ROBO1: variants seen among roughly 807,000 people sequenced by gnomAD.
ROBO1 encodes the protein roundabout homolog 1.
In ROBO1, 149 loss-of-function variants were observed where a neutral mutation model predicts 195.9. The ratio of observed to expected loss-of-function variants is 0.76; its 90% confidence interval spans 0.67 to 0.87. The LOEUF (loss-of-function observed/expected upper bound fraction) is 0.87, where lower values mean the gene tolerates loss of function less well. Among genes scored for constraint, ROBO1 ranks in the 40% least tolerant of loss-of-function variants. ROBO1 has a pLI of 0.00. For synonymous variants in ROBO1, 816 were observed against 733.2 expected (o/e 1.11, Z -1.82); for missense variants, 1,933 against 2,068.3 (o/e 0.93, Z 1.27).
intron 4 of ROBO1, among the ~76,000 whole-genome samples, chr3:78,818,476 G>C (rs1012393333): frequency 1.3e-5 from 2 of 152,206 alleles, no homozygotes; most frequent in Non-Finnish European, 2.9e-5. Context: ...GGGTCCTGCT[G>C]CCACCATGGC....
chr3:78,671,142 T>A (rs533403404), intron 10 of ROBO1, among the ~76,000 whole-genome samples: 3 of 152,134 alleles, frequency 2.0e-5, no homozygotes, highest in African/African-American at 4.8e-5. Flanking sequence ...ATTAACCCTA[T>A]GATTACATGA....
In ROBO1 at chr3:78,703,332, T is replaced by C. The variant is rs572060764; in HGVS notation, c.1045+11065A>G. Among the ~76,000 whole-genome samples the C allele has an allele frequency of 1.7e-3, 262 of 152,220 alleles. 2 individuals carry two copies. Among genetic ancestry groups the C allele is most frequent in the African/African-American group, 6.1e-3 (253 of 41,546 alleles). On this transcript the variant is annotated intron_variant, in intron 8 of 30. Coordinates refer to ENST00000464233, the MANE Select transcript of ROBO1 (RefSeq NM_002941.4). ...ATTTACGCCACTGGATCAGAACAGT[T>C]AGGAGAGGGAGTTATTCTCACAAAT...
At position 78,991,652 on chromosome 3, in the gene ROBO1, G is replaced by A. The variant is rs141343698; in HGVS notation, c.173-52725C>T. Among the ~76,000 whole-genome samples, 196 of 152,274 alleles carry A rather than the reference G, an allele frequency of 1.3e-3. 1 individual carries two copies. Among genetic ancestry groups the A allele is most frequent in the African/African-American group, 4.6e-3 (190 of 41,568 alleles). The stretch of plus-strand genomic sequence containing the variant: ...TGGCTTCCTTGCTGATCCCAGTAAA[G>A]CAAAAGTCTCACATTTTCTTAAACA... On this transcript the variant is annotated intron_variant, in intron 3 of 30. Transcript: ENST00000464233.
intron 2 of ROBO1, among the ~76,000 whole-genome samples, chr3:79,546,049 A>T (rs2107655877): frequency 6.6e-6 from 1 of 151,820 alleles, no homozygotes; most frequent in Non-Finnish European, 1.5e-5. Context: ...GAGGATGGAG[A>T]CCTTTATTAT....
At chr3:78,929,200 C>T (rs1335182107) in intron 4 of ROBO1, among the ~76,000 whole-genome samples, 5 of 152,086 alleles carry the variant, frequency 3.3e-5, no homozygotes, top group East Asian at 1.9e-4. Context: ...ATTTAAAATG[C>T]GACTGAAGTT....
chr3:79,077,533 A>C (rs570776929), intron 3 of ROBO1, among the ~76,000 whole-genome samples: 1 of 152,036 alleles, frequency 6.6e-6, no homozygotes, highest in African/African-American at 2.4e-5. Flanking sequence ...TAATTTTAGT[A>C]ATTGAAATGC....
chr3:79,749,284 G>A (rs964861670), intron 1 of ROBO1, among the ~76,000 whole-genome samples: 2 of 152,126 alleles, frequency 1.3e-5, no homozygotes, highest in Admixed American at 6.5e-5. Flanking sequence ...TTTCTAAGCA[G>A]CAAAGCATTC....
chr3:78,719,096 T>A (rs1040528894), intron 5 of ROBO1, among the ~76,000 whole-genome samples: 1 of 152,122 alleles, frequency 6.6e-6, no homozygotes, highest in Non-Finnish European at 1.5e-5. Flanking sequence ...AGTTTTTAAT[T>A]TTTATGAGTT....
intron 2 of ROBO1, among the ~76,000 whole-genome samples, chr3:79,440,087 T>C (rs1230999589): frequency 6.6e-6 from 1 of 152,082 alleles, no homozygotes; most frequent in African/African-American, 2.4e-5. Context: ...TCTCTCGTTA[T>C]CTACACATCT....
chr3:79,648,871 T>A (rs1945914187), intron 1 of ROBO1, among the ~76,000 whole-genome samples: 1 of 152,100 alleles, frequency 6.6e-6, no homozygotes, highest in Non-Finnish European at 1.5e-5. Flanking sequence ...TTAGTCCAAC[T>A]GCAGGTTTCT....
At chr3:79,376,256 T>C (rs2036379210) in intron 2 of ROBO1, among the ~76,000 whole-genome samples, 1 of 152,224 alleles carries the variant, frequency 6.6e-6, no homozygotes, top group African/African-American at 2.4e-5. Context: ...ATCTAGTTAC[T>C]AACGCAGGGT....
chr3:79,104,024 C>A (rs114624154), intron 3 of ROBO1, among the ~76,000 whole-genome samples: 104 of 151,822 alleles, frequency 6.9e-4, no homozygotes, highest in African/African-American at 2.5e-3. Flanking sequence ...GCTCTCTACT[C>A]TGACAACACA....
At chr3:79,407,563 T>C (rs142957147) in intron 2 of ROBO1, among the ~76,000 whole-genome samples, 2 of 152,272 alleles carry the variant, frequency 1.3e-5, no homozygotes, top group East Asian at 1.9e-4. Context: ...TAATTTTCTT[T>C]CTGTGTTCTT....
intron 2 of ROBO1, among the ~76,000 whole-genome samples, chr3:79,208,637 A>AG (rs2081913851): frequency 6.6e-6 from 1 of 151,914 alleles, no homozygotes; most frequent in Non-Finnish European, 1.5e-5. Context: ...CATGTAAGCA[A>AG]GGGTTTGCAA....
chr3:79,629,648 A>G (rs903358732), intron 1 of ROBO1, among the ~76,000 whole-genome samples: 11 of 152,188 alleles, frequency 7.2e-5, no homozygotes, highest in African/African-American at 2.6e-4. Context: ...AGATCAGAGC[A>G]GAATTAAATG....
At chr3:78,739,724 A>G (rs1306699197) in intron 5 of ROBO1, among the ~76,000 whole-genome samples, 4 of 152,180 alleles carry the variant, frequency 2.6e-5, no homozygotes, top group African/African-American at 7.2e-5. Flanking sequence ...GTTATGTTAT[A>G]GATTTCAATA....
At chr3:79,261,056 G>T (rs115143769) in intron 2 of ROBO1, among the ~76,000 whole-genome samples, 1,730 of 152,094 alleles carry the variant, frequency 0.011, 17 homozygotes, top group Non-Finnish European at 0.017. Flanking sequence ...TTACATACAA[G>T]TGATGTTATA....
At chr3:78,999,766 G>A (rs1023765429) in intron 3 of ROBO1, among the ~76,000 whole-genome samples, 6 of 152,068 alleles carry the variant, frequency 3.9e-5, no homozygotes, top group Non-Finnish European at 8.8e-5. Flanking sequence ...CACCTGATGA[G>A]AAAATAATTC....
intron 3 of ROBO1, among the ~76,000 whole-genome samples, chr3:79,114,979 C>A (rs1315028036): frequency 6.6e-6 from 1 of 152,128 alleles, no homozygotes; most frequent in African/African-American, 2.4e-5. Context: ...ATAGCATAGA[C>A]CACCTAGGAC....
Sources: allele counts gnomAD v4.1 joint callset (sites outside exome capture counted in the v4.1 genomes callset), GRCh38; gene constraint gnomAD v4.1.1; transcripts MANE v1.5; gene names NCBI Gene and HGNC (gene_info 2026-07-23, HGNC 2026-07-21).